The following IGSF10 variants were observed in gnomAD, a reference collection of about 807,000 sequenced individuals.
IGSF10 encodes calvaria mechanical force protein 608.
A neutral mutation model predicts 128.2 loss-of-function variants in IGSF10; 126 were observed. The observed-to-expected ratio is 0.98, with a 90% CI of 0.85 to 1.14. IGSF10 has a LOEUF of 1.14. Among genes scored for constraint, IGSF10 ranks in the 50% most tolerant of loss-of-function variants. IGSF10 has a pLI of 0.00. For missense variants in IGSF10, 3,295 were observed against 3,149.8 expected, an observed-to-expected ratio of 1.05 and a Z score of -1.10; for synonymous variants, 1,185 against 1,146.2, an observed-to-expected ratio of 1.03 and a Z score of -0.68.
chr3:151,585,098 C>T, the IGSF10 span, among the ~76,000 whole-genome samples: 5 of 152,194 alleles, frequency 3.3e-5, no homozygotes, highest in South Asian at 6.2e-4. Flanking sequence ...ATATGATAGC[C>T]GCTAGCCACA....
At chr3:151,576,586 AC>A in the IGSF10 span, among the ~76,000 whole-genome samples, 1 of 152,148 alleles carries the variant, frequency 6.6e-6, no homozygotes, top group Non-Finnish European at 1.5e-5. Flanking sequence ...AGTCACAAAG[AC>A]CCTGCTGATA....
chr3:151,529,825 G>T, the IGSF10 span, among the ~76,000 whole-genome samples: 1 of 151,814 alleles, frequency 6.6e-6, no homozygotes, highest in Non-Finnish European at 1.5e-5. Context: ...ACAACTTTTC[G>T]CCAGCAAAGG....
At chr3:151,581,885 A>G in the IGSF10 span, among the ~76,000 whole-genome samples, 3 of 152,102 alleles carry the variant, frequency 2.0e-5, no homozygotes, top group Non-Finnish European at 4.4e-5. Context: ...AGGCAGGCCA[A>G]TATGGTGAAA....
the IGSF10 span, among the ~76,000 whole-genome samples, chr3:151,596,512 T>G: frequency 6.6e-6 from 1 of 152,106 alleles, no homozygotes; most frequent in African/African-American, 2.4e-5. Flanking sequence ...TGTATGTGTT[T>G]TCTATGCATG....
At chr3:151,503,616 A>C in the IGSF10 span, among the ~76,000 whole-genome samples, 1 of 152,192 alleles carries the variant, frequency 6.6e-6, no homozygotes, top group Non-Finnish European at 1.5e-5. Context: ...ATGACATTTT[A>C]AATGCCCAGT....
At position 151,446,221 on chromosome 3, in the gene IGSF10, T is replaced by A. The variant is rs759334197; in HGVS notation, c.3760A>T (p.Thr1254Ser). 6.2e-7 allele frequency: 1 copy of A among 1,613,570 alleles called. No homozygotes were observed. The highest frequency in any genetic ancestry group is 1.1e-5 in the South Asian group (1 of 91,044). Reference sequence around the variant, plus strand: ...ATTTGCATCACACTTGTTGAAAGTGTGGTGAAATGGAAAGGGGAGACTTTG... The same window carrying A: ...ATTTGCATCACACTTGTTGAAAGTGAGGTGAAATGGAAAGGGGAGACTTTG... The part of the protein sequence containing the change: ...RDKVSPFHFT[T>S]LSTSVMQIPS... Residue 1254 changes from threonine (T) to serine (S), a missense_variant, in exon 6 of 8, where the codon ACA (threonine) becomes TCA (serine). By Grantham distance (58) the Thr-to-Ser change is moderately conservative (BLOSUM62 1). Transcript: ENST00000282466.
At chr3:151,450,599 A>G (rs190649498) in intron 5 of IGSF10, among the ~76,000 whole-genome samples, 25 of 152,202 alleles carry the variant, frequency 1.6e-4, no homozygotes, top group East Asian at 1.5e-3. Context: ...TTGAACAATC[A>G]TAAGAGTTGC....
chr3:151,552,952 C>G, the IGSF10 span, among the ~76,000 whole-genome samples: 1 of 152,152 alleles, frequency 6.6e-6, no homozygotes, highest in South Asian at 2.1e-4. Flanking sequence ...TTTTACGGCT[C>G]ATCCATGTCT....
the IGSF10 span, among the ~76,000 whole-genome samples, chr3:151,535,935 A>G: frequency 6.6e-6 from 1 of 152,188 alleles, no homozygotes; most frequent in Admixed American, 6.5e-5. Context: ...AATCCTGTAC[A>G]TGGAGCTCCA....
the IGSF10 span, among the ~76,000 whole-genome samples, chr3:151,555,599 G>C: frequency 6.6e-6 from 1 of 152,128 alleles, no homozygotes; most frequent in Non-Finnish European, 1.5e-5. Context: ...CCAGCTGCCT[G>C]ACCTAATCAA....
At chr3:151,479,595 CA>C in the IGSF10 span, among the ~76,000 whole-genome samples, 1 of 152,166 alleles carries the variant, frequency 6.6e-6, no homozygotes, top group African/African-American at 2.4e-5. Context: ...AGCAATTCAC[CA>C]GCGAGCACAG....
the IGSF10 span, among the ~76,000 whole-genome samples, chr3:151,563,103 A>C: frequency 7.9e-6 from 1 of 126,620 alleles, no homozygotes; most frequent in Non-Finnish European, 1.7e-5. Context: ...AGAACTCCTA[A>C]CACACATTTT....
At chr3:151,488,367 A>C in the IGSF10 span, among the ~76,000 whole-genome samples, 3 of 152,364 alleles carry the variant, frequency 2.0e-5, no homozygotes, top group South Asian at 6.2e-4. Context: ...GGACAGGAAG[A>C]ATCAATATCG....
intron 2 of IGSF10, among the ~76,000 whole-genome samples, chr3:151,459,567 G>C (rs1306304586): frequency 6.6e-6 from 1 of 152,296 alleles, no homozygotes; most frequent in Admixed American, 6.5e-5. Context: ...CTTTTGCTCA[G>C]CTTCGGACAT....
chr3:151,446,721 A>C lies in IGSF10; in HGVS notation c.3260T>G (p.Ile1087Ser). Residue 1087 changes from isoleucine (I) to serine (S), a missense_variant, in exon 6 of 8, where the codon ATC (isoleucine) becomes AGC (serine). Physicochemically the swap from Ile to Ser is moderately radical, Grantham distance 142. Transcript: ENST00000282466. Reference protein sequence around the residue: ...AALSFPSAAPITFPKADIARV... With the variant: ...AALSFPSAAPSTFPKADIARV... ...AGCAATGTCAGCTTTGGGGAAGGTGATGGGAGCAGCACTTGGAAAAGACAA... is the reference window on the plus strand; with the variant it reads ...AGCAATGTCAGCTTTGGGGAAGGTGCTGGGAGCAGCACTTGGAAAAGACAA... 2 of 1,614,186 alleles carry C rather than the reference A, an allele frequency of 1.2e-6. No homozygotes were observed. Among genetic ancestry groups the C allele is most frequent in the African/African-American group, 2.7e-5 (2 of 75,046 alleles).
chr3:151,474,832 C>T, the IGSF10 span, among the ~76,000 whole-genome samples: 1 of 151,974 alleles, frequency 6.6e-6, no homozygotes, highest in Admixed American at 6.5e-5. Context: ...AAAGAGAGAG[C>T]TTGTGCAGGG....
chr3:151,450,895 CAAAAAAA>C lies in IGSF10; in HGVS notation c.716-1637_716-1631del, dbSNP rs35070766. 1.1e-4 allele frequency among the ~76,000 whole-genome samples: 6 copies of C among 55,424 alleles called. 1 individual carries two copies. Among genetic ancestry groups the C allele is most frequent in the African/African-American group, 2.4e-4 (3 of 12,432 alleles). 36.4% of individuals were successfully genotyped at this position (55,424 alleles called of 152,430 possible). A position where few individuals can be genotyped will look rare whatever the true frequency, so the allele number is the denominator to read the frequency against. The stretch of plus-strand genomic sequence containing the variant: ...GGGCAACAAGAGCAAAACTCTGTCT[CAAAAAAA>C]AAAAAAAAAAAAAAAAGAGTTGCCT... On this transcript the variant is annotated intron_variant, in intron 5 of 7. Transcript: ENST00000282466.
the IGSF10 span, among the ~76,000 whole-genome samples, chr3:151,500,971 A>G: frequency 1.4e-5 from 2 of 143,880 alleles, no homozygotes; most frequent in Non-Finnish European, 3.0e-5. Context: ...TAGAAGTCAC[A>G]TGATATTATG....
At chr3:151,466,473 T>A in the IGSF10 span, among the ~76,000 whole-genome samples, 2 of 152,346 alleles carry the variant, frequency 1.3e-5, no homozygotes, top group East Asian at 3.9e-4. Context: ...TTATTTTTAA[T>A]AATGGAATTA....
Sources: allele counts gnomAD v4.1 joint callset (sites outside exome capture counted in the v4.1 genomes callset), GRCh38; gene constraint gnomAD v4.1.1; transcripts MANE v1.5; gene names NCBI Gene and HGNC (gene_info 2026-07-23, HGNC 2026-07-21).